The following CSMD1 variants were observed in gnomAD, a reference collection of about 807,000 sequenced individuals.
CSMD1 encodes CUB and Sushi multiple domains 1, also known as CUB and sushi domain-containing protein 1.
Under a neutral mutation model 417.5 loss-of-function variants are expected in CSMD1, and 213 were observed. The observed-to-expected ratio is 0.51, with a 90% CI of 0.46 to 0.57. The LOEUF is 0.57. Among genes scored for constraint, CSMD1 ranks in the 20% least tolerant of loss-of-function variants. The pLI, the probability that CSMD1 is intolerant of heterozygous loss-of-function variation, is 0.00. For synonymous variants in CSMD1, 2,862 were observed against 1,736.8 expected, an observed-to-expected ratio of 1.65 and a Z score of -16.11; for missense variants, 6,923 against 4,529.7, an observed-to-expected ratio of 1.53 and a Z score of -15.17.
At chr8:4,417,172 G>A (rs1306021601) in intron 3 of CSMD1, among the ~76,000 whole-genome samples, 3 of 151,956 alleles carry the variant, frequency 2.0e-5, no homozygotes, top group Non-Finnish European at 4.4e-5. Flanking sequence ...GTCAAATACT[G>A]TAAATAATCA....
chr8:3,930,127 G>T (rs1810038211), intron 5 of CSMD1, among the ~76,000 whole-genome samples: 1 of 150,212 alleles, frequency 6.7e-6, no homozygotes, highest in Admixed American at 6.6e-5. Flanking sequence ...ACCTACAAAA[G>T]CAGTACCCTA....
intron 1 of CSMD1, among the ~76,000 whole-genome samples, chr8:4,743,874 G>C (rs770472014): frequency 2.0e-5 from 3 of 152,124 alleles, no homozygotes; most frequent in East Asian, 3.9e-4. Context: ...TCCCACTCAA[G>C]TTCTAGTTGC....
chr8:4,553,850 A>G lies in CSMD1; in HGVS notation c.302+83492T>C, dbSNP rs74724205. On this transcript the variant is annotated intron_variant, in intron 2 of 69. Transcript: ENST00000635120. ...ACATGATTGGGTTAGCTGGGAAGAC[A>G]CAGGACTGGGTTAGCATAAACCAAA... 7.2e-5 allele frequency among the ~76,000 whole-genome samples: 11 copies of G among 152,304 alleles called. No homozygotes were observed. The East Asian group carries it at 2.1e-3, about 30-fold the overall frequency.
intron 5 of CSMD1, among the ~76,000 whole-genome samples, chr8:3,973,435 A>G (rs1264756660): frequency 6.6e-6 from 1 of 152,220 alleles, no homozygotes; most frequent in Admixed American, 6.5e-5. Flanking sequence ...TGCAAATTAT[A>G]AAAATTTTTT....
intron 1 of CSMD1, among the ~76,000 whole-genome samples, chr8:4,914,043 A>G (rs1805879156): frequency 6.6e-6 from 1 of 152,236 alleles, no homozygotes; most frequent in Non-Finnish European, 1.5e-5. Flanking sequence ...CATTTCCTGA[A>G]GAAACAAATC....
intron 4 of CSMD1, among the ~76,000 whole-genome samples, chr8:4,001,265 C>T (rs1193458762): frequency 6.6e-6 from 1 of 152,098 alleles, no homozygotes; most frequent in Non-Finnish European, 1.5e-5. Flanking sequence ...TGAATTTAAA[C>T]CTATCTGACA....
At chr8:3,664,404 T>A (rs1048847663) in intron 7 of CSMD1, among the ~76,000 whole-genome samples, 13 of 152,206 alleles carry the variant, frequency 8.5e-5, no homozygotes, top group Non-Finnish European at 1.3e-4. Flanking sequence ...TTCAATAACC[T>A]GAATCAGTTC....
chr8:4,955,402 T>G (rs900814461), intron 1 of CSMD1, among the ~76,000 whole-genome samples: 2 of 152,098 alleles, frequency 1.3e-5, no homozygotes, highest in African/African-American at 4.8e-5. Context: ...AGATTATTGA[T>G]GCCTACTGTG....
chr8:4,625,796 T>A (rs558216789), intron 2 of CSMD1, among the ~76,000 whole-genome samples: 2 of 152,124 alleles, frequency 1.3e-5, no homozygotes, highest in African/African-American at 2.4e-5. Context: ...TGATCTCAGC[T>A]CATTCCAATC....
chr8:3,799,403 C>T (rs913748330), intron 5 of CSMD1, among the ~76,000 whole-genome samples: 1 of 104,846 alleles, frequency 9.5e-6, no homozygotes, highest in Non-Finnish European at 1.8e-5. Flanking sequence ...CCCCTCCCCC[C>T]ACCCCACGAC....
intron 2 of CSMD1, among the ~76,000 whole-genome samples, chr8:4,458,237 C>G (rs1437088788): frequency 6.6e-6 from 1 of 152,068 alleles, no homozygotes; most frequent in African/African-American, 2.4e-5. Flanking sequence ...TGATCGGTCA[C>G]ACTTAAATGG....
At chr8:4,024,681 A>C (rs12682541) in intron 4 of CSMD1, among the ~76,000 whole-genome samples, 16,974 of 152,170 alleles carry the variant, frequency 0.11, 1,109 homozygotes, top group South Asian at 0.23. Context: ...CACTGCATAA[A>C]TGTGACTTGT....
At chr8:3,610,720 C>G (rs1164775753) in intron 8 of CSMD1, among the ~76,000 whole-genome samples, 1 of 151,918 alleles carries the variant, frequency 6.6e-6, no homozygotes, top group Admixed American at 6.6e-5. Flanking sequence ...TCTCTTAACT[C>G]CAATTATAAT....
intron 20 of CSMD1, among the ~76,000 whole-genome samples, chr8:3,360,332 C>G (rs1047516361): frequency 2.0e-5 from 3 of 152,204 alleles, no homozygotes; most frequent in Admixed American, 6.5e-5. Context: ...TCTGTGTTTG[C>G]CACGTTCTTT....
At chr8:4,090,280 T>C (rs916389363) in intron 3 of CSMD1, among the ~76,000 whole-genome samples, 7 of 152,204 alleles carry the variant, frequency 4.6e-5, no homozygotes, top group African/African-American at 1.7e-4. Context: ...TAGATTCTAA[T>C]TAAGGAAAGT....
chr8:4,152,696 G>GA (rs200288278), intron 3 of CSMD1, among the ~76,000 whole-genome samples: 2,408 of 143,490 alleles, frequency 0.017, 56 homozygotes, highest in African/African-American at 0.057. Flanking sequence ...TCTCAAAAAA[G>GA]AAAAAAAAAA....
At chr8:4,378,823 C>G (rs775524792) in intron 3 of CSMD1, among the ~76,000 whole-genome samples, 20 of 152,134 alleles carry the variant, frequency 1.3e-4, no homozygotes, top group Non-Finnish European at 2.6e-4. Context: ...TCCCCTTCTG[C>G]CATGTGAGGA....
intron 2 of CSMD1, among the ~76,000 whole-genome samples, chr8:4,506,710 T>C (rs1802544875): frequency 6.6e-6 from 1 of 152,230 alleles, no homozygotes; most frequent in Non-Finnish European, 1.5e-5. Flanking sequence ...AGTCAGCTTC[T>C]CTTTCCTTCA....
chr8:4,246,348 C>G (rs565479948), intron 3 of CSMD1, among the ~76,000 whole-genome samples: 3 of 152,168 alleles, frequency 2.0e-5, no homozygotes, highest in Admixed American at 6.5e-5. Context: ...GCAAAGGACA[C>G]GGTCAGTCCT....
Sources: allele counts gnomAD v4.1 joint callset (sites outside exome capture counted in the v4.1 genomes callset), GRCh38; gene constraint gnomAD v4.1.1; transcripts MANE v1.5; gene names NCBI Gene and HGNC (gene_info 2026-07-23, HGNC 2026-07-21).